CDKAL1: variants seen among roughly 807,000 people sequenced by gnomAD.
CDKAL1 encodes the protein CDKAL1 threonylcarbamoyladenosine tRNA methylthiotransferase.
A neutral mutation model predicts 68.2 loss-of-function variants in CDKAL1; 32 were observed. The observed-to-expected ratio is 0.47, with a 90% confidence interval of 0.35 to 0.63. The LOEUF (loss-of-function observed/expected upper bound fraction) is 0.63. Ranked by LOEUF, CDKAL1 falls within the 30% of genes least tolerant of loss-of-function variation. CDKAL1 has a pLI of 0.00. For missense variants in CDKAL1, 606 were observed against 696.7 expected, an observed-to-expected ratio of 0.87 and a Z score of 1.47; for synonymous variants, 234 against 244.3, an observed-to-expected ratio of 0.96 and a Z score of 0.39.
chr6:20,799,844 T>C (rs1450918063), intron 8 of CDKAL1: 3 of 152,240 alleles, frequency 2.0e-5, no homozygotes, highest in Non-Finnish European at 4.4e-5. Context: ...GAAATAATTA[T>C]TGCTTTGGAA....
intron 10 of CDKAL1, among the ~76,000 whole-genome samples, chr6:20,973,782 T>C (rs1581941608): frequency 6.6e-6 from 1 of 152,020 alleles, no homozygotes; most frequent in East Asian, 1.9e-4. Flanking sequence ...TTTTTGTATT[T>C]TTAGGAAAGT....
intron 4 of CDKAL1, among the ~76,000 whole-genome samples, chr6:20,590,946 T>A (rs199883519): frequency 6.6e-6 from 1 of 152,200 alleles, no homozygotes; most frequent in African/African-American, 2.4e-5. Context: ...TCCTCCACAA[T>A]GGTTGAACTA....
intron 8 of CDKAL1, among the ~76,000 whole-genome samples, chr6:20,839,413 A>G (rs1197994346): frequency 6.6e-6 from 1 of 152,168 alleles, no homozygotes; most frequent in African/African-American, 2.4e-5. Context: ...AAAATAACAA[A>G]TCGGTAGCCT....
chr6:20,645,355 C>T lies in CDKAL1; in HGVS notation c.287-3938C>T, dbSNP rs139681551. ...TAATTTTTGAAAACGTTTTCACACT[C>T]TTGTAATAACACTTAAAACACAAGT... On this transcript the variant is annotated intron_variant, in intron 4 of 15. Coordinates refer to ENST00000274695, the MANE Select transcript of CDKAL1 (RefSeq NM_017774.3). 3.9e-3 allele frequency among the ~76,000 whole-genome samples: 587 copies of T among 152,260 alleles called. 4 individuals are homozygous for T. The highest frequency in any genetic ancestry group is 0.012 in the African/African-American group (514 of 41,546).
intron 7 of CDKAL1, among the ~76,000 whole-genome samples, chr6:20,767,332 G>A (rs1296628172): frequency 6.6e-6 from 1 of 152,068 alleles, no homozygotes; most frequent in Non-Finnish European, 1.5e-5. Flanking sequence ...AAATTGTATT[G>A]TATTGGTAAT....
At chr6:20,816,157 A>G (rs1483468139) in intron 8 of CDKAL1, among the ~76,000 whole-genome samples, 1 of 139,016 alleles carries the variant, frequency 7.2e-6, no homozygotes, top group Non-Finnish European at 1.5e-5. Context: ...GACAACAGTC[A>G]TTGGATTAGG....
chr6:21,167,948 C>T (rs924993913), intron 13 of CDKAL1, among the ~76,000 whole-genome samples: 4 of 152,118 alleles, frequency 2.6e-5, no homozygotes, highest in African/African-American at 4.8e-5. Context: ...GACGTGCACA[C>T]CCAAGAAAGT....
intron 4 of CDKAL1, among the ~76,000 whole-genome samples, chr6:20,585,510 C>A (rs938639437): frequency 6.6e-6 from 1 of 152,168 alleles, no homozygotes; most frequent in East Asian, 1.9e-4. Flanking sequence ...CTACGGAGGC[C>A]CTTTTACTTG....
intron 8 of CDKAL1, among the ~76,000 whole-genome samples, chr6:20,782,504 C>A (rs898209017): frequency 4.6e-5 from 7 of 152,086 alleles, no homozygotes; most frequent in Admixed American, 1.3e-4. Context: ...CTTTTTTCCC[C>A]TTCATTCAAA....
intron 5 of CDKAL1, among the ~76,000 whole-genome samples, chr6:20,711,107 G>C (rs550117306): frequency 1.3e-5 from 2 of 152,238 alleles, no homozygotes; most frequent in South Asian, 2.1e-4. Flanking sequence ...ATGTAATTAA[G>C]TTTATTTGAA....
At chr6:20,700,400 G>A (rs1180312773) in intron 5 of CDKAL1, among the ~76,000 whole-genome samples, 1 of 151,916 alleles carries the variant, frequency 6.6e-6, no homozygotes, top group Non-Finnish European at 1.5e-5. Context: ...GAATGATAGT[G>A]ACTCCCCTAA....
intron 6 of CDKAL1, among the ~76,000 whole-genome samples, chr6:20,755,707 TTGTC>T (rs771763016): frequency 1.3e-5 from 2 of 152,198 alleles, no homozygotes; most frequent in East Asian, 3.8e-4. Context: ...GTCAGTCTGT[TTGTC>T]TGTTTGGCTC....
chr6:20,760,524 A>C (rs1343200851), intron 7 of CDKAL1, among the ~76,000 whole-genome samples: 1 of 152,184 alleles, frequency 6.6e-6, no homozygotes, highest in Non-Finnish European at 1.5e-5. Flanking sequence ...CTAATTTTGC[A>C]GAGGACCAAG....
chr6:20,535,256 T>C (rs1439261776), intron 1 of CDKAL1, 95 bp from the exon 2 acceptor site: 1 of 152,372 alleles, frequency 6.6e-6, no homozygotes, highest in Admixed American at 6.5e-5. Flanking sequence ...AAGCAGTCTT[T>C]TATGGAGTCT....
chr6:21,127,373 G>A (rs1775069357), intron 13 of CDKAL1, among the ~76,000 whole-genome samples: 4 of 152,204 alleles, frequency 2.6e-5, no homozygotes, highest in Admixed American at 2.6e-4. Context: ...TAGAGGAATT[G>A]TTTGATTGAA....
chr6:20,951,607 C>CT (rs1191025497), intron 9 of CDKAL1, among the ~76,000 whole-genome samples: 2 of 152,086 alleles, frequency 1.3e-5, no homozygotes, highest in Non-Finnish European at 2.9e-5. Flanking sequence ...AAACTTAAGG[C>CT]TTTTTTCCTG....
intron 4 of CDKAL1, among the ~76,000 whole-genome samples, chr6:20,592,468 CTT>C (rs34023799): frequency 1.2e-3 from 154 of 130,346 alleles, no homozygotes; most frequent in Middle Eastern, 4.0e-3. Flanking sequence ...ATGCTTCCAG[CTT>C]TTTTTTTTTT....
chr6:20,992,031 C>CTTTTTTTTTT (rs71530401), intron 10 of CDKAL1, among the ~76,000 whole-genome samples: 18 of 100,462 alleles, frequency 1.8e-4, no homozygotes, highest in African/African-American at 6.8e-4. Flanking sequence ...TTTTTCTTTT[C>CTTTTTTTTTT]TTTTTTTTTT....
intron 13 of CDKAL1, among the ~76,000 whole-genome samples, chr6:21,190,471 G>A (rs962597200): frequency 8.6e-5 from 13 of 151,896 alleles, no homozygotes; most frequent in African/African-American, 3.1e-4. Context: ...AGGTTCAAGC[G>A]ATTCTCCTGC....
Sources: allele counts gnomAD v4.1 joint callset (sites outside exome capture counted in the v4.1 genomes callset), GRCh38; gene constraint gnomAD v4.1.1; transcripts MANE v1.5; gene names NCBI Gene and HGNC (gene_info 2026-07-23, HGNC 2026-07-21).